TRIM60: variants seen among roughly 807,000 people sequenced by gnomAD.
TRIM60 encodes tripartite motif-containing protein 60.
For missense variants in TRIM60, 524 were observed against 540.8 expected, an observed-to-expected ratio of 0.97 and a Z score of 0.31; for synonymous variants, 189 against 195.2, an observed-to-expected ratio of 0.97 and a Z score of 0.27.
Position 165,040,605 on chromosome 4 carries a change from A to G in TRIM60, c.533A>G (p.Tyr178Cys). 2 of 1,614,198 alleles carry G rather than the reference A, an allele frequency of 1.2e-6. No individual in the cohort carries two copies. The highest frequency in any genetic ancestry group is 2.2e-5 in the South Asian group (2 of 91,080). The change falls in exon 3 of 3, where the codon TAT becomes TGT. Residue 178 changes from tyrosine to cysteine, a missense_variant. Coordinates refer to ENST00000512596, the MANE Select transcript of TRIM60 (RefSeq NM_152620.3). ...KSVELKKKVE[Y>C]KREEINSEFE... ...GTGGAGCTGAAAAAGAAGGTAGAATATAAGAGGGAAGAAATAAATTCTGAG... is the reference window on the plus strand; with the variant it reads ...GTGGAGCTGAAAAAGAAGGTAGAATGTAAGAGGGAAGAAATAAATTCTGAG...
chr4:165,041,204 C>T lies in TRIM60; in HGVS notation c.1132C>T (p.Gln378Ter). 1 of 1,614,180 alleles carries T rather than the reference C, an allele frequency of 6.2e-7. No homozygotes were observed. Among genetic ancestry groups the T allele is most frequent in the South Asian group, 1.1e-5 (1 of 91,080 alleles). ...CTGTCTTCTTAGGAACTGGCAGGAT[C>T]AGCCATCAGTTCTGGGCGGATTCTG... is the stretch of plus-strand genomic sequence containing the variant. ...QDCLLRNWQD[Q>*]PSVLGGFWAI... is the part of the protein sequence containing the mutation. The change falls in exon 3 of 3, where the codon CAG (glutamine) becomes TAG (stop). Residue 378 changes from glutamine (Q) to a stop codon, truncating the protein, a stop_gained. Transcript: ENST00000512596. LOFTEE classifies it low-confidence loss of function (END_TRUNC).
At chr4:165,039,514 C>T (rs1733697366) in intron 2 of TRIM60, 1 of 152,298 alleles carries the variant, frequency 6.6e-6, no homozygotes, top group African/African-American at 2.4e-5. Context: ...TTCAGACGGG[C>T]TCGGCCGGGC....
chr4:165,034,156 C>CTTTTTT (rs10708866), intron 1 of TRIM60, among the ~76,000 whole-genome samples: 1 of 144,348 alleles, frequency 6.9e-6, no homozygotes, highest in Non-Finnish European at 1.5e-5. Flanking sequence ...ATGAAATACA[C>CTTTTTT]TTTTTTTTTT....
chr4:165,039,847 T>G (rs1026848362), intron 2 of TRIM60, among the ~76,000 whole-genome samples: 2 of 149,834 alleles, frequency 1.3e-5, no homozygotes, highest in Non-Finnish European at 3.0e-5. Flanking sequence ...TCATGTATAA[T>G]AGAGCTGTAA....
At position 165,040,406 on chromosome 4, in the gene TRIM60, C is replaced by G. The variant is rs778772934; in HGVS notation, c.334C>G (p.Leu112Val). 1 of 1,614,164 alleles carries G rather than the reference C, an allele frequency of 6.2e-7. No individual in the cohort carries two copies. The highest frequency in any genetic ancestry group is 8.5e-7 in the Non-Finnish European group (1 of 1,180,018). ...QFLTLFCVKD[L>V]EILCTQCSFS... ...TCTGACCCTCTTCTGTGTTAAAGAT[C>G]TAGAGATCTTATGTACACAGTGCAG... The change falls in exon 3 of 3, where the codon CTA becomes GTA. Residue 112 changes from leucine to valine, a missense_variant. Physicochemically the swap from Leu to Val is conservative, Grantham distance 32. Coordinates refer to ENST00000512596, the MANE Select transcript of TRIM60 (RefSeq NM_152620.3).
Position 165,041,280 on chromosome 4 carries a change from C to G in TRIM60, c.1208C>G (p.Thr403Arg). Reference protein sequence around the residue: ...KSGYVASGPKTTQLLPVVKPS... With the variant: ...KSGYVASGPKRTQLLPVVKPS... ...GGTTATGTTGCGTCAGGTCCTAAGA[C>G]AACCCAGCTTCTGCCAGTAGTAAAA... The change falls in exon 3 of 3, where the codon ACA becomes AGA. Residue 403 changes from threonine (T) to arginine (R), a missense_variant. Physicochemically the swap from Thr to Arg is moderately conservative, Grantham distance 71. Coordinates refer to ENST00000512596, the MANE Select transcript of TRIM60 (RefSeq NM_152620.3). 1.2e-6 allele frequency: 2 copies of G among 1,614,210 alleles called. No individual in the cohort carries two copies. The highest frequency in any genetic ancestry group is 1.7e-6 in the Non-Finnish European group (2 of 1,180,030).
At chr4:165,038,935 C>T (rs1312050481) in intron 1 of TRIM60, among the ~76,000 whole-genome samples, 8 of 151,950 alleles carry the variant, frequency 5.3e-5, no homozygotes, top group Non-Finnish European at 7.4e-5. Flanking sequence ...TGGTGGTAGG[C>T]GCCTTAATCC....
chr4:165,041,124 A>C lies in TRIM60; in HGVS notation c.1052A>C (p.Tyr351Ser). The change falls in exon 3 of 3, where the codon TAC (tyrosine) becomes TCC (serine). Residue 351 changes from tyrosine (Y) to serine (S), a missense_variant. Transcript: ENST00000512596. Reference sequence around the variant, plus strand: ...CAGAGATTTAGTTCTGGCCGACATTACTGGGAAGTAGAAGTGGGAAACAAA... The same window carrying C: ...CAGAGATTTAGTTCTGGCCGACATTCCTGGGAAGTAGAAGTGGGAAACAAA... ...GSQRFSSGRH[Y>S]WEVEVGNKPK... 1 of 1,614,214 alleles carries C rather than the reference A, an allele frequency of 6.2e-7. No individual in the cohort carries two copies. The highest frequency in any genetic ancestry group is 8.5e-7 in the Non-Finnish European group (1 of 1,180,030).
intron 1 of TRIM60, among the ~76,000 whole-genome samples, chr4:165,036,179 G>A (rs539797632): frequency 4.6e-5 from 7 of 152,244 alleles, no homozygotes; most frequent in South Asian, 2.1e-4. Flanking sequence ...TCATTCTTCC[G>A]CACAATACCA....
intron 1 of TRIM60, among the ~76,000 whole-genome samples, chr4:165,034,727 AAT>A (rs1733582725): frequency 6.6e-6 from 1 of 152,206 alleles, no homozygotes; most frequent in African/African-American, 2.4e-5. Context: ...ATGATTGAAA[AAT>A]ATTATAATTT....
chr4:165,032,976 G>A (rs1733539690), intron 1 of TRIM60, among the ~76,000 whole-genome samples: 2 of 149,568 alleles, frequency 1.3e-5, no homozygotes, highest in African/African-American at 4.9e-5. Flanking sequence ...GAACCCAGGA[G>A]TTCTAGCTCA....
At chr4:165,032,538 C>G (rs750303569) in intron 1 of TRIM60, among the ~76,000 whole-genome samples, 1 of 152,194 alleles carries the variant, frequency 6.6e-6, no homozygotes, top group Non-Finnish European at 1.5e-5. Flanking sequence ...CGTGAGCCAC[C>G]GTGCTCGGCC....
chr4:165,041,234 A>G lies in TRIM60; in HGVS notation c.1162A>G (p.Ile388Val), dbSNP rs984434236. Reference protein sequence around the residue: ...QPSVLGGFWAIGRYMKSGYVA... With the variant: ...QPSVLGGFWAVGRYMKSGYVA... ...ATCAGTTCTGGGCGGATTCTGGGCA[A>G]TTGGGCGATACATGAAGAGTGGTTA... Residue 388 changes from isoleucine to valine, a missense_variant, in exon 3 of 3, where the codon ATT becomes GTT. Coordinates refer to ENST00000512596, the MANE Select transcript of TRIM60 (RefSeq NM_152620.3). The G allele has an allele frequency of 5.6e-6, 9 of 1,614,054 alleles. No individual in the cohort carries two copies. The African/African-American group carries it at 9.3e-5, about 17-fold the overall frequency.
Position 165,041,241 on chromosome 4 carries a change from G to A in TRIM60, c.1169G>A (p.Arg390Gln), listed in dbSNP as rs143583038. 1.5e-5 allele frequency: 25 copies of A among 1,614,130 alleles called. No individual in the cohort carries two copies. The highest frequency in any genetic ancestry group is 4.5e-5 in the East Asian group (2 of 44,884). ...CTGGGCGGATTCTGGGCAATTGGGC[G>A]ATACATGAAGAGTGGTTATGTTGCG... The part of the protein sequence containing the change: ...SVLGGFWAIG[R>Q]YMKSGYVASG... Residue 390 changes from arginine (R) to glutamine (Q), a missense_variant, in exon 3 of 3, where the codon CGA (arginine) becomes CAA (glutamine). Transcript: ENST00000512596.
Position 165,041,305 on chromosome 4 carries a change from A to C in TRIM60, c.1233A>C (p.Lys411Asn). The change falls in exon 3 of 3, where the codon AAA (lysine) becomes AAC (asparagine). Residue 411 changes from lysine to asparagine, a missense_variant. By Grantham distance (94) the Lys-to-Asn change is moderately conservative (BLOSUM62 0). Coordinates refer to ENST00000512596, the MANE Select transcript of TRIM60 (RefSeq NM_152620.3). ...CAACCCAGCTTCTGCCAGTAGTAAAACCCAGTAAAATTGGTATTTTTCTGG... is the reference window on the plus strand; with the variant it reads ...CAACCCAGCTTCTGCCAGTAGTAAACCCCAGTAAAATTGGTATTTTTCTGG... Reference protein sequence around the residue: ...PKTTQLLPVVKPSKIGIFLDY... With the variant: ...PKTTQLLPVVNPSKIGIFLDY... 1 of 1,613,970 alleles carries C rather than the reference A, an allele frequency of 6.2e-7. No homozygotes were observed. The highest frequency in any genetic ancestry group is 2.2e-5 in the East Asian group (1 of 44,894).
chr4:165,036,057 C>A (rs576874127), intron 1 of TRIM60, among the ~76,000 whole-genome samples: 1 of 152,160 alleles, frequency 6.6e-6, no homozygotes, highest in South Asian at 2.1e-4. Flanking sequence ...ATGGCAGGAT[C>A]CATTTCCTCA....
intron 1 of TRIM60, among the ~76,000 whole-genome samples, chr4:165,035,254 G>A (rs1258850023): frequency 2.0e-5 from 3 of 152,148 alleles, no homozygotes; most frequent in African/African-American, 7.2e-5. Flanking sequence ...TTGTAGAGAT[G>A]AGGTCTTGCT....
intron 1 of TRIM60, among the ~76,000 whole-genome samples, chr4:165,033,262 G>A (rs952083512): frequency 6.6e-6 from 1 of 152,116 alleles, no homozygotes; most frequent in Non-Finnish European, 1.5e-5. Flanking sequence ...AGCAGTAGAG[G>A]TTGAATTTTG....
In TRIM60 at chr4:165,041,353, C is replaced by G; in HGVS notation, c.1281C>G (p.Ser427=). Residue 427 remains serine, a synonymous_variant, in exon 3 of 3, where the codon TCC becomes TCG. Transcript: ENST00000512596. ...IFLDYELGDL[S]FYNMNDRSIL... is the part of the protein sequence containing the mutation. Reference sequence around the variant, plus strand: ...TGGACTATGAATTGGGTGATCTTTCCTTTTATAATATGAATGATAGGTCTA... The same window carrying G: ...TGGACTATGAATTGGGTGATCTTTCGTTTTATAATATGAATGATAGGTCTA... 6.2e-7 allele frequency: 1 copy of G among 1,613,998 alleles called. No homozygotes were observed. Among genetic ancestry groups the G allele is most frequent in the Non-Finnish European group, 8.5e-7 (1 of 1,179,920 alleles).
Sources: allele counts gnomAD v4.1 joint callset (sites outside exome capture counted in the v4.1 genomes callset), GRCh38; gene constraint gnomAD v4.1.1; transcripts MANE v1.5; gene names NCBI Gene and HGNC (gene_info 2026-07-23, HGNC 2026-07-21).